Variants in PPP1R12A observed in about 807,000 individuals in gnomAD.
The protein encoded by PPP1R12A is protein phosphatase 1 regulatory subunit 12A, also known as myosin binding subunit.
Under a neutral mutation model 139.6 loss-of-function variants are expected in PPP1R12A, and 19 were observed. The observed-to-expected ratio is 0.14, with a 90% CI of 0.09 to 0.20. The LOEUF (loss-of-function observed/expected upper bound fraction) is 0.20, where lower values mean the gene tolerates loss of function less well. Among genes scored for constraint, PPP1R12A ranks in the 10% least tolerant of loss-of-function variants. The pLI is 1.00. For missense variants in PPP1R12A, 925 were observed against 1,211.5 expected, an observed-to-expected ratio of 0.76 and a Z score of 3.51; for synonymous variants, 427 against 420.6, an observed-to-expected ratio of 1.02 and a Z score of -0.19.
chr12:79,906,021 G>A (rs990749049), intron 1 of PPP1R12A, among the ~76,000 whole-genome samples: 1 of 152,070 alleles, frequency 6.6e-6, no homozygotes, highest in African/African-American at 2.4e-5. Flanking sequence ...GAGATGCTCA[G>A]CTAAGGAAAT....
intron 1 of PPP1R12A, among the ~76,000 whole-genome samples, chr12:79,881,449 C>A (rs1394581589): frequency 6.6e-6 from 1 of 152,194 alleles, no homozygotes; most frequent in South Asian, 2.1e-4. Context: ...TCCCTTAAGC[C>A]AAAGCCTAAT....
intron 9 of PPP1R12A, among the ~76,000 whole-genome samples, chr12:79,815,359 T>C (rs991009476): frequency 1.3e-5 from 2 of 152,008 alleles, no homozygotes; most frequent in Non-Finnish European, 2.9e-5. Flanking sequence ...AACCCATCTC[T>C]ACTAAAAATA....
chr12:79,864,252 C>T (rs147773436), intron 2 of PPP1R12A, among the ~76,000 whole-genome samples: 1,830 of 152,194 alleles, frequency 0.012, 16 homozygotes, highest in Middle Eastern at 0.02. Context: ...GGGTAAATAA[C>T]GAAATGAAGG....
chr12:79,883,317 C>T (rs563789032), intron 1 of PPP1R12A, among the ~76,000 whole-genome samples: 6 of 152,138 alleles, frequency 3.9e-5, no homozygotes, highest in Non-Finnish European at 7.4e-5. Flanking sequence ...TAATAGACTA[C>T]GGTATAGCAT....
chr12:79,934,644 G>A lies in PPP1R12A; in HGVS notation c.237+51C>T, dbSNP rs181357197. ...GAACTGAGGGCAGGCCCGAGCAGGA[G>A]GCCGACGAGAACCCTCACGGTCAGG... On this transcript the variant is annotated intron_variant, in intron 1 of 24. Coordinates refer to ENST00000450142, the MANE Select transcript of PPP1R12A (RefSeq NM_002480.3). 17 of 1,454,354 alleles carry A rather than the reference G, an allele frequency of 1.2e-5. No individual in the cohort carries two copies. The East Asian group carries it at 1.8e-4, about 16-fold the overall frequency. The allele number at this position is 1,454,354 out of a possible 1,614,324, so 90.1% of individuals were successfully genotyped here.
intron 2 of PPP1R12A, among the ~76,000 whole-genome samples, chr12:79,854,221 CG>C (rs368738131): frequency 1.3e-5 from 2 of 151,538 alleles, no homozygotes; most frequent in East Asian, 1.9e-4. Flanking sequence ...GTGTGTGTGG[CG>C]GGGGGGCAGG....
chr12:79,843,129 G>C (rs1246875396), intron 3 of PPP1R12A, among the ~76,000 whole-genome samples: 1 of 151,762 alleles, frequency 6.6e-6, no homozygotes. Context: ...CTTCCTTAAG[G>C]CTGAATAATA....
chr12:79,796,699 A>AT, intron 17 of PPP1R12A, 83 bp downstream of exon 17: 1 of 1,134,752 alleles, frequency 8.8e-7, no homozygotes, highest in South Asian at 1.8e-5. Context: ...CTGTTCCTTT[A>AT]CTGTTGAATT....
intron 3 of PPP1R12A, 83 bp downstream of exon 3, chr12:79,845,219 T>C: frequency 1.9e-6 from 2 of 1,046,780 alleles, no homozygotes; most frequent in Non-Finnish European, 2.8e-6. Flanking sequence ...ATGATTGCCC[T>C]TCAATGTCAA....
rs906820414 is a variant in PPP1R12A at position 79,847,007 on chromosome 12, A to C, written c.369-1587T>G. ...AGCTCCTTCATACTTCGACTATATAAAAATATTCTAATTATAAAATAGTTT... is the reference window on the plus strand; with the variant it reads ...AGCTCCTTCATACTTCGACTATATACAAATATTCTAATTATAAAATAGTTT... On this transcript the variant is annotated intron_variant, in intron 2 of 24. Transcript: ENST00000450142. Among the ~76,000 whole-genome samples, 6 of 152,246 alleles carry C rather than the reference A, an allele frequency of 3.9e-5. No individual in the cohort carries two copies. In the South Asian group the frequency reaches 1.2e-3, roughly 32 times the overall value.
chr12:79,807,410 T>C (rs2137062197), intron 11 of PPP1R12A, 80 bp from the exon 12 acceptor site: 2 of 862,288 alleles, frequency 2.3e-6, no homozygotes, highest in Middle Eastern at 2.2e-4. Context: ...TAAATATTAG[T>C]ATAAGCTGAA....
At chr12:79,805,456 C>A in intron 14 of PPP1R12A, 136 bp downstream of exon 14, 1 of 716,716 alleles carries the variant, frequency 1.4e-6, no homozygotes, top group Non-Finnish European at 2.2e-6. Context: ...TTACATAGTT[C>A]TGAGCTGACA....
In PPP1R12A at chr12:79,826,998, T is replaced by C. The variant is rs527411687; in HGVS notation, c.792+1322A>G. ...TCAGAGGCTAATAGGTACCTGCTAA[T>C]CTTTTCAGAAAAAAATTTCTGAAGG... On this transcript the variant is annotated intron_variant, in intron 5 of 24. Coordinates refer to ENST00000450142, the MANE Select transcript of PPP1R12A (RefSeq NM_002480.3). 5.3e-5 allele frequency among the ~76,000 whole-genome samples: 8 copies of C among 152,294 alleles called. No homozygotes were observed. The South Asian group carries it at 1.7e-3, about 32-fold the overall frequency.
At chr12:79,866,659 G>T (rs974836505) in intron 2 of PPP1R12A, among the ~76,000 whole-genome samples, 5 of 152,088 alleles carry the variant, frequency 3.3e-5, no homozygotes, top group African/African-American at 1.2e-4. Flanking sequence ...ATGGGCAAAG[G>T]ATATGAACAG....
chr12:79,911,542 T>C (rs887862908), intron 1 of PPP1R12A, among the ~76,000 whole-genome samples: 12 of 152,144 alleles, frequency 7.9e-5, no homozygotes, highest in Non-Finnish European at 1.5e-4. Context: ...CAAACCCCCA[T>C]GACACGCAGT....
intron 5 of PPP1R12A, chr12:79,823,776 T>G (rs1417262200): frequency 6.5e-6 from 1 of 154,464 alleles, no homozygotes; most frequent in Non-Finnish European, 1.4e-5. Flanking sequence ...TGTATTTTTT[T>G]GTAGAGATGG....
In PPP1R12A at chr12:79,775,064, G is replaced by A. The variant is rs1030242611; in HGVS notation, c.*865C>T. On this transcript the variant is annotated 3_prime_UTR_variant, in exon 25 of 25. Transcript: ENST00000450142. The stretch of plus-strand genomic sequence containing the variant: ...AATAAGAAATAGTCAAGCATGCCAT[G>A]TGGTGGTCTAAAAATCAAAACAATA... The A allele has an allele frequency of 6.6e-5, 10 of 152,478 alleles. No individual in the cohort carries two copies. Among genetic ancestry groups the A allele is most frequent in the Admixed American group, 6.6e-4 (10 of 15,256 alleles). The allele number at this position is 152,478 out of a possible 1,614,324, so 9.4% of individuals were successfully genotyped here.
intron 4 of PPP1R12A, among the ~76,000 whole-genome samples, chr12:79,831,359 GATCACT>G (rs1264011550): frequency 6.6e-6 from 1 of 152,140 alleles, no homozygotes; most frequent in Admixed American, 6.6e-5. Context: ...GAGGCAGGCA[GATCACT>G]TGAGCCCAGG....
chr12:79,812,391 C>CGTGCGT (rs1555202885), intron 9 of PPP1R12A, among the ~76,000 whole-genome samples: 2 of 134,510 alleles, frequency 1.5e-5, no homozygotes, highest in African/African-American at 2.9e-5. Context: ...TCTGTGTGTG[C>CGTGCGT]GTGTGTGTGT....
Sources: allele counts gnomAD v4.1 joint callset (sites outside exome capture counted in the v4.1 genomes callset), GRCh38; gene constraint gnomAD v4.1.1; transcripts MANE v1.5; gene names NCBI Gene and HGNC (gene_info 2026-07-23, HGNC 2026-07-21).